Variants in DZIP1 observed in about 807,000 individuals in gnomAD.
The protein encoded by DZIP1 is cilium assembly protein DZIP1.
In DZIP1, 97 loss-of-function variants were observed where a neutral mutation model predicts 107.6. The ratio of observed to expected loss-of-function variants is 0.90; its 90% CI spans 0.77 to 1.07. The LOEUF (loss-of-function observed/expected upper bound fraction) is 1.07, where lower values mean the gene tolerates loss of function less well. DZIP1 is among the 50% of genes least tolerant of loss of function. The probability of loss-of-function intolerance (pLI) is 0.00; values close to 1 mark genes in which losing one functional copy is unlikely to be tolerated. For synonymous variants in DZIP1, 390 were observed against 386.4 expected (o/e 1.01, Z -0.11); for missense variants, 1,035 against 1,063.6 (o/e 0.97, Z 0.37).
In DZIP1 at chr13:95,644,503, A is replaced by C. The variant is rs1263896632; in HGVS notation, c.-652T>G. Reference sequence around the variant, plus strand: ...CGGAGGCCGAGGAGCAGCAAAGCGGAGAGAGGCAGGCCGGCTCCTTCTTGC... The same window carrying C: ...CGGAGGCCGAGGAGCAGCAAAGCGGCGAGAGGCAGGCCGGCTCCTTCTTGC... On this transcript the variant is annotated 5_prime_UTR_variant, in exon 1 of 23. Coordinates refer to ENST00000376829, the MANE Select transcript of DZIP1 (RefSeq NM_198968.4). 6.5e-6 allele frequency: 1 copy of C among 152,910 alleles called. No individual in the cohort carries two copies. The allele number at this position is 152,910 out of a possible 1,614,324, so 9.5% of individuals were successfully genotyped here.
chr13:95,641,174 G>A lies in DZIP1; in HGVS notation c.597+121C>T, dbSNP rs1232795072. Reference sequence around the variant, plus strand: ...ATGACTGTTTTTGCTTAAATATACTGTGTCTTCTGATATACAATATAAATC... The same window carrying A: ...ATGACTGTTTTTGCTTAAATATACTATGTCTTCTGATATACAATATAAATC... On this transcript the variant is annotated intron_variant, in intron 5 of 22. Transcript: ENST00000376829. This position sits in a 1 kb window ranked among gnomAD's most constrained non-coding sequence, Gnocchi z 4.3. 2.0e-5 allele frequency: 28 copies of A among 1,372,312 alleles called. No individual in the cohort carries two copies. Among genetic ancestry groups the A allele is most frequent in the Non-Finnish European group, 2.3e-5 (24 of 1,024,790 alleles). The allele number at this position is 1,372,312 out of a possible 1,614,324, so 85.0% of individuals were successfully genotyped here.
intron 21 of DZIP1, among the ~76,000 whole-genome samples, chr13:95,585,678 G>A (rs2044141700): frequency 6.6e-6 from 1 of 152,204 alleles, no homozygotes; most frequent in Non-Finnish European, 1.5e-5. Flanking sequence ...CCAGGGTAGT[G>A]AAGAAGATCT....
chr13:95,641,724 G>A lies in DZIP1; in HGVS notation c.168C>T (p.Pro56=), dbSNP rs1288568865. 3 of 1,598,338 alleles carry A rather than the reference G, an allele frequency of 1.9e-6. No individual in the cohort carries two copies. The highest frequency in any genetic ancestry group is 2.2e-5 in the East Asian group (1 of 44,822). ...CCAGCCGCGGCCTGAACTGGAAGAA[G>A]GGCAGGGGCCCCGAAGCCGCGCTGG... ...APPSAASGPL[P]FFQFRPRLES... The change falls in exon 5 of 23, where the codon CCC becomes CCT. Residue 56 remains proline (P), a synonymous_variant. Transcript: ENST00000376829. The surrounding 1 kb of genome is among the most constrained non-coding windows in gnomAD (Gnocchi z 4.3).
At chr13:95,587,505 A>G in intron 20 of DZIP1, 34 bp downstream of exon 20, 1 of 1,606,692 alleles carries the variant, frequency 6.2e-7, no homozygotes, top group Non-Finnish European at 8.5e-7. Flanking sequence ...TCCTAAATAC[A>G]GTTTCCAGAG....
At chr13:95,595,614 T>G (rs1057448689) in intron 15 of DZIP1, among the ~76,000 whole-genome samples, 1 of 152,120 alleles carries the variant, frequency 6.6e-6, no homozygotes, top group Non-Finnish European at 1.5e-5. Flanking sequence ...TGTCACTGGC[T>G]TTGGCTTCTA....
chr13:95,608,541 C>G (rs960966273), intron 13 of DZIP1, among the ~76,000 whole-genome samples: 9 of 151,534 alleles, frequency 5.9e-5, no homozygotes, highest in African/African-American at 1.7e-4. Context: ...TAGTACTTGA[C>G]CTTTCTGTCC....
chr13:95,594,123 T>G, intron 15 of DZIP1, 37 bp from the exon 16 acceptor site: 1 of 1,529,920 alleles, frequency 6.5e-7, no homozygotes, highest in South Asian at 1.2e-5. Flanking sequence ...AAAAAAAGAA[T>G]TAAGCAAATA....
intron 10 of DZIP1, among the ~76,000 whole-genome samples, chr13:95,616,545 G>T (rs764931418): frequency 6.6e-6 from 1 of 152,128 alleles, no homozygotes; most frequent in Admixed American, 6.6e-5. Context: ...CAATAAACAA[G>T]GAAACAAATA....
At chr13:95,620,089 G>T in intron 9 of DZIP1, 142 bp from the exon 10 acceptor site, 1 of 786,648 alleles carries the variant, frequency 1.3e-6, no homozygotes. Context: ...TTTGGCTCTC[G>T]GTCCCCACTC....
In DZIP1 at chr13:95,641,524, A is replaced by G; in HGVS notation, c.368T>C (p.Leu123Pro). 3 of 1,614,134 alleles carry G rather than the reference A, an allele frequency of 1.9e-6. No homozygotes were observed. Among genetic ancestry groups the G allele is most frequent in the Non-Finnish European group, 2.5e-6 (3 of 1,180,050 alleles). The change falls in exon 5 of 23, where the codon CTG becomes CCG. Residue 123 changes from leucine to proline, a missense_variant. Leu to Pro is a moderately conservative substitution (Grantham distance 98, BLOSUM62 -3). Transcript: ENST00000376829. This position sits in a 1 kb window ranked among gnomAD's most constrained non-coding sequence, Gnocchi z 4.3. The part of the protein sequence containing the change: ...VDPVLLKLIR[L>P]AQFTIEYLLH... ...CAAGTACTCGATGGTGAACTGCGCC[A>G]GACGGATGAGCTTCAGCAGCACCGG...
intron 3 of DZIP1, 44 bp from the exon 4 acceptor site, chr13:95,642,285 C>T: frequency 6.9e-6 from 3 of 437,866 alleles, no homozygotes; most frequent in Non-Finnish European, 1.2e-5. Context: ...CGAGTGGACA[C>T]AGCCGTTCAC....
intron 5 of DZIP1, among the ~76,000 whole-genome samples, chr13:95,638,020 TG>T (rs1271096517): frequency 1.3e-5 from 2 of 151,784 alleles, no homozygotes; most frequent in Non-Finnish European, 2.9e-5. Context: ...ATTTCTAAGA[TG>T]TTTAAAACTC....
chr13:95,630,084 G>T lies in DZIP1; in HGVS notation c.715C>A (p.Leu239Ile). The T allele has an allele frequency of 6.2e-7, 1 of 1,613,392 alleles. No individual in the cohort carries two copies. Among genetic ancestry groups the T allele is most frequent in the Non-Finnish European group, 8.5e-7 (1 of 1,179,742 alleles). Residue 239 changes from leucine to isoleucine, a missense_variant, in exon 7 of 23, where the codon CTC becomes ATC. Physicochemically the swap from Leu to Ile is conservative, Grantham distance 5. Coordinates refer to ENST00000376829, the MANE Select transcript of DZIP1 (RefSeq NM_198968.4). ...TTCAATACGACGATCTCACTCCGGAGCTTCTCAATCTGTGCATTTTTCTGA... is the reference window on the plus strand; with the variant it reads ...TTCAATACGACGATCTCACTCCGGATCTTCTCAATCTGTGCATTTTTCTGA... The part of the protein sequence containing the change: ...EYQKNAQIEK[L>I]RSEIVVLKEE...
chr13:95,590,422 C>A lies in DZIP1; in HGVS notation c.1700G>T (p.Ser567Ile). 6.2e-7 allele frequency: 1 copy of A among 1,606,700 alleles called. No homozygotes were observed. Among genetic ancestry groups the A allele is most frequent in the Non-Finnish European group, 8.5e-7 (1 of 1,178,114 alleles). The part of the protein sequence containing the change: ...GINADIRGIS[S>I]DQLHRVLKSV... Reference sequence around the variant, plus strand: ...TTTTAGTACTCTATGCAACTGATCACTTGAAATGCCACGTATATCCTGAAA... The same window carrying A: ...TTTTAGTACTCTATGCAACTGATCAATTGAAATGCCACGTATATCCTGAAA... The change falls in exon 17 of 23, where the codon AGT becomes ATT. Residue 567 changes from serine to isoleucine, a missense_variant. Physicochemically the swap from Ser to Ile is moderately radical, Grantham distance 142. Transcript: ENST00000376829.
At chr13:95,609,760 C>T (rs770270040) in intron 12 of DZIP1, among the ~76,000 whole-genome samples, 1 of 152,082 alleles carries the variant, frequency 6.6e-6, no homozygotes, top group Non-Finnish European at 1.5e-5. Context: ...CTAACCTGAG[C>T]TCTTGTTATT....
At chr13:95,604,530 G>A (rs781493314) in intron 14 of DZIP1, among the ~76,000 whole-genome samples, 1 of 152,228 alleles carries the variant, frequency 6.6e-6, no homozygotes, top group African/African-American at 2.4e-5. Context: ...CAGGAAGGGG[G>A]CATGACTGAT....
At position 95,581,889 on chromosome 13, in the gene DZIP1, T is replaced by C. The variant is rs545255044; in HGVS notation, c.*345A>G. The C allele has an allele frequency of 1.6e-4, 29 of 179,166 alleles. No homozygotes were observed. The highest frequency in any genetic ancestry group is 1.1e-3 in the East Asian group (8 of 7,002). The allele number at this position is 179,166 out of a possible 1,614,324, so 11.1% of individuals were successfully genotyped here. A position where few individuals can be genotyped will look rare whatever the true frequency, so the allele number is the denominator to read the frequency against. ...AGTTTTAGTAATTCAAACCAAAACA[T>C]GCTGTAAGTTTAAAAAAAATTCACT... On this transcript the variant is annotated 3_prime_UTR_variant, in exon 23 of 23. Transcript: ENST00000376829.
In DZIP1 at chr13:95,641,809, C is replaced by A. The variant is rs767788184; in HGVS notation, c.83G>T (p.Gly28Val). Residue 28 changes from glycine to valine, a missense_variant, in exon 5 of 23, where the codon GGG becomes GTG. Physicochemically the swap from Gly to Val is moderately radical, Grantham distance 109. Coordinates refer to ENST00000376829, the MANE Select transcript of DZIP1 (RefSeq NM_198968.4). This position sits in a 1 kb window ranked among gnomAD's most constrained non-coding sequence, Gnocchi z 4.3. ...VYYPLASGPE[G>V]PDVAVAAAAA... Reference sequence around the variant, plus strand: ...GGCGGCGGCCACAGCGACGTCGGGCCCCTCTGGGCCGCTGGCGAGCGGGTA... The same window carrying A: ...GGCGGCGGCCACAGCGACGTCGGGCACCTCTGGGCCGCTGGCGAGCGGGTA... The A allele has an allele frequency of 1.4e-6, 2 of 1,479,340 alleles. No individual in the cohort carries two copies. Among genetic ancestry groups the A allele is most frequent in the African/African-American group, 2.9e-5 (2 of 68,882 alleles). 91.6% of individuals were successfully genotyped at this position (1,479,340 alleles called of 1,614,324 possible). A position where few individuals can be genotyped will look rare whatever the true frequency, so the allele number is the denominator to read the frequency against.
chr13:95,612,801 TCTC>T (rs1236798146), intron 10 of DZIP1, among the ~76,000 whole-genome samples: 2 of 152,048 alleles, frequency 1.3e-5, no homozygotes, highest in Non-Finnish European at 2.9e-5. Context: ...ACCAGGCTGG[TCTC>T]GAAGTCCTGA....
Sources: gnomAD v4.1 joint callset for allele counts (sites outside exome capture counted in the v4.1 genomes callset) on GRCh38, gnomAD v4.1.1 for gene constraint, Gnocchi (gnomAD v3.1) non-coding constraint, MANE v1.5 for transcripts, NCBI Gene and HGNC (gene_info 2026-07-23, HGNC 2026-07-21) for gene names.